Variants in TMEM106B observed in about 807,000 individuals in gnomAD.
TMEM106B encodes the protein transmembrane protein 106B.
A neutral mutation model predicts 31.1 loss-of-function variants in TMEM106B; 15 were observed. The observed-to-expected ratio is 0.48, with a 90% CI of 0.32 to 0.74. TMEM106B has a LOEUF of 0.74. Ranked by LOEUF, TMEM106B falls within the 30% of genes least tolerant of loss-of-function variation. TMEM106B has a pLI of 0.03. For synonymous variants in TMEM106B, 126 were observed against 112.5 expected (o/e 1.12, Z -0.76); for missense variants, 283 against 327.3 (o/e 0.86, Z 1.04).
chr7:12,221,859 T>C (rs187920860), intron 3 of TMEM106B, among the ~76,000 whole-genome samples: 11 of 152,242 alleles, frequency 7.2e-5, no homozygotes, highest in Non-Finnish European at 1.3e-4. Flanking sequence ...CTGATCAACA[T>C]ATATGTGTGA....
intron 3 of TMEM106B, among the ~76,000 whole-genome samples, chr7:12,219,709 T>C (rs1212833187): frequency 6.6e-6 from 1 of 151,758 alleles, no homozygotes; most frequent in Non-Finnish European, 1.5e-5. Flanking sequence ...TCCACAAAAC[T>C]GGAAGAACAC....
chr7:12,215,866 C>T (rs1483380542), intron 2 of TMEM106B: 2 of 165,086 alleles, frequency 1.2e-5, no homozygotes, highest in African/African-American at 4.8e-5. Flanking sequence ...TAGGGGACGT[C>T]AGAAGGAAAT....
Position 12,233,455 on chromosome 7 carries a change from A to G in TMEM106B, c.*1480A>G, listed in dbSNP as rs1426912099. On this transcript the variant is annotated 3_prime_UTR_variant, in exon 8 of 8. Coordinates refer to ENST00000396668, the MANE Select transcript of TMEM106B (RefSeq NM_001134232.2). ...TTAGTCTGACTCTCTCAACCATAAA[A>G]CATAAGCTTTATTTAATTCTGCCTT... 2 of 151,490 alleles carry G rather than the reference A, an allele frequency of 1.3e-5. No individual in the cohort carries two copies. Among genetic ancestry groups the G allele is most frequent in the Non-Finnish European group, 3.0e-5 (2 of 67,654 alleles). 9.4% of individuals were successfully genotyped at this position (151,490 alleles called of 1,614,324 possible).
At chr7:12,213,643 A>G (rs1452017090) in intron 1 of TMEM106B, among the ~76,000 whole-genome samples, 1 of 152,232 alleles carries the variant, frequency 6.6e-6, no homozygotes, top group Non-Finnish European at 1.5e-5. Flanking sequence ...CATTCTCATC[A>G]TAAGCATGAT....
chr7:12,237,089 AATT>A lies in TMEM106B; in HGVS notation c.*5121_*5123del. 1 of 144,652 alleles carries A rather than the reference AATT, an allele frequency of 6.9e-6. No individual in the cohort carries two copies. Among genetic ancestry groups the A allele is most frequent in the Middle Eastern group, 3.5e-3 (1 of 282 alleles). 9.0% of individuals were successfully genotyped at this position (144,652 alleles called of 1,614,324 possible). ...ATGAATTGAGCAGTTCTGTAATTGT[AATT>A]ATTATTGCTGTTCATGTAACAAAAC... On this transcript the variant is annotated 3_prime_UTR_variant, in exon 8 of 8. Transcript: ENST00000396668.
chr7:12,229,624 A>T, intron 4 of TMEM106B, 55 bp from the exon 5 acceptor site: 1 of 1,320,406 alleles, frequency 7.6e-7, no homozygotes, highest in Non-Finnish European at 1.0e-6. Context: ...AATTTTAAAT[A>T]CATATTTGTA....
At chr7:12,211,559 G>A (rs73299040) in intron 1 of TMEM106B, 134 bp downstream of exon 1, 20,079 of 152,602 alleles carry the variant, frequency 0.13, 1,537 homozygotes, top group African/African-American at 0.19. Context: ...TACGGCGGCG[G>A]TCAGGGCTGG....
chr7:12,221,222 A>T (rs1781779555), intron 3 of TMEM106B, among the ~76,000 whole-genome samples: 1 of 152,178 alleles, frequency 6.6e-6, no homozygotes, highest in Non-Finnish European at 1.5e-5. Context: ...AGTTGGTGAC[A>T]CTAACAAAAC....
chr7:12,231,691 T>C (rs1782026344), intron 7 of TMEM106B, 146 bp from the exon 8 acceptor site: 1 of 658,728 alleles, frequency 1.5e-6, no homozygotes, highest in Non-Finnish European at 2.4e-6. Context: ...GAAATACTCC[T>C]TAAGAGGATT....
rs1434115811 is a variant in TMEM106B, at chr7:12,240,575, A to AT, written c.*8601dup. 1.3e-5 allele frequency: 2 copies of AT among 152,172 alleles called. No individual in the cohort carries two copies. Among genetic ancestry groups the AT allele is most frequent in the South Asian group, 4.1e-4 (2 of 4,834 alleles). 9.4% of individuals were successfully genotyped at this position (152,172 alleles called of 1,614,324 possible). ...TGCCCAAAATTATCTCTGTAGAATA[A>AT]TATGGAAAAACGAAAATGAAAAGAT... On this transcript the variant is annotated 3_prime_UTR_variant, in exon 8 of 8. Coordinates refer to ENST00000396668, the MANE Select transcript of TMEM106B (RefSeq NM_001134232.2).
intron 7 of TMEM106B, 162 bp from the exon 8 acceptor site, chr7:12,231,675 G>T: frequency 3.6e-6 from 2 of 553,806 alleles, no homozygotes; most frequent in African/African-American, 1.9e-5. Flanking sequence ...TTTGTTGTCT[G>T]TTGGGGAAAT....
rs956131753 is a variant in TMEM106B at position 12,237,321 on chromosome 7, A to C, written c.*5346A>C. Reference sequence around the variant, plus strand: ...TAAACAAATCAGTGTAGATATTCAAAATCTTTTACCTTTAATCCTTTTCAT... The same window carrying C: ...TAAACAAATCAGTGTAGATATTCAACATCTTTTACCTTTAATCCTTTTCAT... On this transcript the variant is annotated 3_prime_UTR_variant, in exon 8 of 8. Transcript: ENST00000396668. 3 of 151,308 alleles carry C rather than the reference A, an allele frequency of 2.0e-5. No homozygotes were observed. Among genetic ancestry groups the C allele is most frequent in the African/African-American group, 4.9e-5 (2 of 41,146 alleles). 9.4% of individuals were successfully genotyped at this position (151,308 alleles called of 1,614,324 possible).
At chr7:12,222,308 T>C (rs1463585443) in intron 3 of TMEM106B, among the ~76,000 whole-genome samples, 1 of 152,138 alleles carries the variant, frequency 6.6e-6, no homozygotes, top group Non-Finnish European at 1.5e-5. Context: ...TGGAGACATA[T>C]ATTTTGTCAG....
At position 12,235,315 on chromosome 7, in the gene TMEM106B, G is replaced by A. The variant is rs1184380404; in HGVS notation, c.*3340G>A. 1 of 152,186 alleles carries A rather than the reference G, an allele frequency of 6.6e-6. No homozygotes were observed. 9.4% of individuals were successfully genotyped at this position (152,186 alleles called of 1,614,324 possible). On this transcript the variant is annotated 3_prime_UTR_variant, in exon 8 of 8. Coordinates refer to ENST00000396668, the MANE Select transcript of TMEM106B (RefSeq NM_001134232.2). The stretch of plus-strand genomic sequence containing the variant: ...AAATAAGAATAGTATGAAAATATTA[G>A]ATACCACATAAATTGTTTGAAATTA...
chr7:12,215,382 TTAAG>T (rs1781666177), intron 2 of TMEM106B, among the ~76,000 whole-genome samples: 1 of 151,796 alleles, frequency 6.6e-6, no homozygotes, highest in Non-Finnish European at 1.5e-5. Context: ...TAGAAGCAAT[TTAAG>T]TAATTTGTTG....
chr7:12,221,555 A>G (rs142402825), intron 3 of TMEM106B, among the ~76,000 whole-genome samples: 24 of 152,318 alleles, frequency 1.6e-4, no homozygotes, highest in African/African-American at 5.5e-4. Flanking sequence ...ATAGTAAACA[A>G]TATTTTCAGA....
chr7:12,233,324 A>C lies in TMEM106B; in HGVS notation c.*1349A>C, dbSNP rs1782065593. On this transcript the variant is annotated 3_prime_UTR_variant, in exon 8 of 8. Coordinates refer to ENST00000396668, the MANE Select transcript of TMEM106B (RefSeq NM_001134232.2). ...GTAGGAGTGGTTATGATACCAAAAA[A>C]TGTAGCTGGGTTGAGATTAATTTCG... 1 of 151,226 alleles carries C rather than the reference A, an allele frequency of 6.6e-6. No individual in the cohort carries two copies. The highest frequency in any genetic ancestry group is 1.5e-5 in the Non-Finnish European group (1 of 67,538). The allele number at this position is 151,226 out of a possible 1,614,324, so 9.4% of individuals were successfully genotyped here.
rs1562714237 is a variant in TMEM106B at position 12,240,132 on chromosome 7, CTTA to C, written c.*8160_*8162del. On this transcript the variant is annotated 3_prime_UTR_variant, in exon 8 of 8. Coordinates refer to ENST00000396668, the MANE Select transcript of TMEM106B (RefSeq NM_001134232.2). ...CTACAATCTCAGTTCACAATCATTT[CTTA>C]TTGCCCTTCAACAATGTCCTGACCA... 6.6e-6 allele frequency: 1 copy of C among 152,172 alleles called. No individual in the cohort carries two copies. The highest frequency in any genetic ancestry group is 1.5e-5 in the Non-Finnish European group (1 of 68,028). The allele number at this position is 152,172 out of a possible 1,614,324, so 9.4% of individuals were successfully genotyped here.
chr7:12,232,130 G>A lies in TMEM106B; in HGVS notation c.*155G>A. On this transcript the variant is annotated 3_prime_UTR_variant, in exon 8 of 8. Transcript: ENST00000396668. ...AAAAGTATGTGGACCTGCAGTTCTT[G>A]TAACTCTCCACTCTGTGTTAATGAT... 2 of 561,954 alleles carry A rather than the reference G, an allele frequency of 3.6e-6. No homozygotes were observed. 34.8% of individuals were successfully genotyped at this position (561,954 alleles called of 1,614,324 possible). A position where few individuals can be genotyped will look rare whatever the true frequency, so the allele number is the denominator to read the frequency against.
Sources: allele counts gnomAD v4.1 joint callset (sites outside exome capture counted in the v4.1 genomes callset), GRCh38; gene constraint gnomAD v4.1.1; transcripts MANE v1.5; gene names NCBI Gene and HGNC (gene_info 2026-07-23, HGNC 2026-07-21).